Variants in IMPG2 observed in about 807,000 individuals in gnomAD.
The protein encoded by IMPG2 is IPM 200.
In IMPG2, 91 loss-of-function variants were observed where a neutral mutation model predicts 129.2. The observed-to-expected ratio is 0.70, with a 90% CI of 0.59 to 0.84. The LOEUF (loss-of-function observed/expected upper bound fraction) is 0.84, where lower values mean the gene tolerates loss of function less well. Ranked by LOEUF, IMPG2 falls within the 40% of genes least tolerant of loss-of-function variation. The probability of loss-of-function intolerance (pLI) is 0.00; values close to 1 mark genes in which losing one functional copy is unlikely to be tolerated. For missense variants in IMPG2, 1,430 were observed against 1,461.7 expected (o/e 0.98, Z 0.35); for synonymous variants, 510 against 517.7 (o/e 0.99, Z 0.20).
intron 3 of IMPG2, among the ~76,000 whole-genome samples, chr3:101,302,724 A>T (rs1707151370): frequency 6.6e-6 from 1 of 152,244 alleles, no homozygotes; most frequent in Admixed American, 6.5e-5. Context: ...AGCTATCAAC[A>T]TAGTTATTAA....
intron 14 of IMPG2, among the ~76,000 whole-genome samples, chr3:101,235,716 A>G (rs552940102): frequency 6.6e-6 from 1 of 152,178 alleles, no homozygotes; most frequent in African/African-American, 2.4e-5. Flanking sequence ...TAATGATTCT[A>G]TTGGGGAAAC....
chr3:101,260,085 C>G (rs1484820833), intron 9 of IMPG2, among the ~76,000 whole-genome samples: 1 of 152,064 alleles, frequency 6.6e-6, no homozygotes, highest in Non-Finnish European at 1.5e-5. Flanking sequence ...CTGGCCTGGC[C>G]TACATGGCAC....
chr3:101,319,953 G>T, intron 1 of IMPG2, 121 bp from the exon 2 acceptor site: 2 of 1,000,066 alleles, frequency 2.0e-6, no homozygotes, highest in Non-Finnish European at 3.0e-6. Context: ...CAAATCATAG[G>T]CAGGCATGCA....
chr3:101,239,630 T>C (rs1022858130), intron 14 of IMPG2, among the ~76,000 whole-genome samples: 7 of 152,224 alleles, frequency 4.6e-5, no homozygotes, highest in Middle Eastern at 3.2e-3. Flanking sequence ...TGTATGTTTA[T>C]TGCGGCACTA....
Position 101,232,843 on chromosome 3 carries a change from C to G in IMPG2, c.3171G>C (p.Gln1057His). The G allele has an allele frequency of 1.9e-6, 3 of 1,613,682 alleles. No individual in the cohort carries two copies. The highest frequency in any genetic ancestry group is 2.5e-6 in the Non-Finnish European group (3 of 1,179,946). ...TTCCATCATTCAAGCAGAAGTCAGG[C>G]TGTAGGTCACAGAGACTCTGACAGG... is the stretch of plus-strand genomic sequence containing the variant. ...ERPCQSLCDL[Q>H]PDFCLNDGKC... is the part of the protein sequence containing the mutation. Residue 1057 changes from glutamine (Q) to histidine (H), a missense_variant, in exon 15 of 19, where the codon CAG becomes CAC. By Grantham distance (24) the Gln-to-His change is conservative (BLOSUM62 0). Coordinates refer to ENST00000193391, the MANE Select transcript of IMPG2 (RefSeq NM_016247.4).
chr3:101,244,910 G>A (rs550480130), intron 12 of IMPG2, 123 bp from the exon 13 acceptor site: 5 of 815,624 alleles, frequency 6.1e-6, no homozygotes, highest in Middle Eastern at 3.4e-4. Context: ...GTTGACTTTT[G>A]CTTTTCTATA....
At chr3:101,315,059 T>A (rs540871137) in intron 2 of IMPG2, among the ~76,000 whole-genome samples, 1 of 152,198 alleles carries the variant, frequency 6.6e-6, no homozygotes, top group East Asian at 1.9e-4. Context: ...ATGTCCAGAT[T>A]ACTCCACCAA....
intron 2 of IMPG2, among the ~76,000 whole-genome samples, chr3:101,313,579 A>G (rs1559661163): frequency 1.3e-5 from 2 of 152,110 alleles, no homozygotes; most frequent in Non-Finnish European, 2.9e-5. Flanking sequence ...TTCTGAAGAA[A>G]ATGCCAGCAT....
intron 10 of IMPG2, 47 bp downstream of exon 10, chr3:101,257,482 C>T (rs374553481): frequency 1.4e-5 from 23 of 1,608,146 alleles, no homozygotes; most frequent in Non-Finnish European, 1.8e-5. Context: ...CCAGAGCATA[C>T]TGGAAAAGAA....
chr3:101,248,453 A>G (rs1222950516), intron 11 of IMPG2, among the ~76,000 whole-genome samples: 1 of 152,170 alleles, frequency 6.6e-6, no homozygotes, highest in East Asian at 1.9e-4. Context: ...AGCAGCGTGA[A>G]AACAGATTAA....
rs78952326 is a variant in IMPG2, at chr3:101,244,433, A to T, written c.1898T>A (p.Leu633His). Residue 633 changes from leucine to histidine, a missense_variant, in exon 13 of 19, where the codon CTT (leucine) becomes CAT (histidine). Transcript: ENST00000193391. The stretch of plus-strand genomic sequence containing the variant: ...TGGCAAAAGTGAATCATCATCTTCA[A>T]GCCACGGCTTGGACAGTGGTTCAGC... Reference protein sequence around the residue: ...KSAEPLSKPWLEDDDSLLPAE... With the variant: ...KSAEPLSKPWHEDDDSLLPAE... 1.3e-5 allele frequency: 21 copies of T among 1,614,224 alleles called. No individual in the cohort carries two copies. Among genetic ancestry groups the T allele is most frequent in the Non-Finnish European group, 1.8e-5 (21 of 1,180,026 alleles).
chr3:101,231,931 C>T (rs564967295), intron 15 of IMPG2, among the ~76,000 whole-genome samples: 1 of 152,296 alleles, frequency 6.6e-6, no homozygotes. Flanking sequence ...AAATGGATCT[C>T]AGATGTACTT....
At chr3:101,247,366 T>C (rs113020009) in intron 11 of IMPG2, among the ~76,000 whole-genome samples, 3,392 of 152,200 alleles carry the variant, frequency 0.022, 117 homozygotes, top group African/African-American at 0.078. Context: ...GGGAGGCTGA[T>C]GCAGGCAGAT....
intron 6 of IMPG2, 27 bp from the exon 7 acceptor site, chr3:101,273,769 A>G (rs560177368): frequency 6.2e-7 from 1 of 1,602,562 alleles, no homozygotes; most frequent in East Asian, 2.2e-5. Context: ...AGAACAATAA[A>G]TGTCAAGGCT....
At chr3:101,311,674 A>T (rs1707264484) in intron 2 of IMPG2, among the ~76,000 whole-genome samples, 1 of 152,228 alleles carries the variant, frequency 6.6e-6, no homozygotes, top group African/African-American at 2.4e-5. Flanking sequence ...ATGTTATCAG[A>T]ATACATGCTG....
intron 2 of IMPG2, among the ~76,000 whole-genome samples, chr3:101,314,535 G>A (rs1336003202): frequency 6.6e-6 from 1 of 152,006 alleles, no homozygotes; most frequent in Non-Finnish European, 1.5e-5. Context: ...TGATTCATTG[G>A]AAAATGCCAA....
chr3:101,263,967 C>A (rs1464521595), intron 9 of IMPG2, among the ~76,000 whole-genome samples: 1 of 151,222 alleles, frequency 6.6e-6, no homozygotes, highest in Non-Finnish European at 1.5e-5. Flanking sequence ...CTATGAATAA[C>A]CATATGCCAA....
At chr3:101,284,459 G>A (rs987348854) in intron 4 of IMPG2, among the ~76,000 whole-genome samples, 1 of 151,974 alleles carries the variant, frequency 6.6e-6, no homozygotes, top group Non-Finnish European at 1.5e-5. Flanking sequence ...CAGTAAAAGA[G>A]ACTCATTGTT....
At chr3:101,233,743 GTCAA>G (rs1448364637) in intron 14 of IMPG2, among the ~76,000 whole-genome samples, 8 of 152,098 alleles carry the variant, frequency 5.3e-5, no homozygotes, top group Non-Finnish European at 8.8e-5. Flanking sequence ...TTCTTCACTG[GTCAA>G]TGGTAATCTG....
Sources: gnomAD v4.1 joint callset for allele counts (sites outside exome capture counted in the v4.1 genomes callset) on GRCh38, gnomAD v4.1.1 for gene constraint, MANE v1.5 for transcripts, NCBI Gene and HGNC (gene_info 2026-07-23, HGNC 2026-07-21) for gene names.